ARID1A: variants seen among roughly 807,000 people sequenced by gnomAD.
ARID1A encodes AT-rich interactive domain-containing protein 1A.
A neutral mutation model predicts 212.6 loss-of-function variants in ARID1A; 20 were observed. That is an observed-to-expected ratio of 0.09 (90% CI 0.07 to 0.14). ARID1A has a LOEUF of 0.14. ARID1A is among the 10% of genes least tolerant of loss of function. ARID1A has a pLI of 1.00. For synonymous variants in ARID1A, 1,376 were observed against 1,222.1 expected, an observed-to-expected ratio of 1.13 and a Z score of -2.63; for missense variants, 2,587 against 3,059.0, an observed-to-expected ratio of 0.85 and a Z score of 3.64.
At position 26,763,114 on chromosome 1, in the gene ARID1A, C is replaced by T. The variant is rs2124068989; in HGVS notation, c.2561C>T (p.Pro854Leu). ...QPGIPPYGTL[P>L]PGRMSHASMG... Reference sequence around the variant, plus strand: ...GGCATCCCACCTTATGGCACACTCCCTCCAGGGAGGATGAGTCACGCCTCC... The same window carrying T: ...GGCATCCCACCTTATGGCACACTCCTTCCAGGGAGGATGAGTCACGCCTCC... The change falls in exon 8 of 20, where the codon CCT becomes CTT. Residue 854 changes from proline (P) to leucine (L), a missense_variant. Physicochemically the swap from Pro to Leu is moderately conservative, Grantham distance 98. Transcript: ENST00000324856. The T allele has an allele frequency of 6.2e-7, 1 of 1,614,290 alleles. No individual in the cohort carries two copies. The highest frequency in any genetic ancestry group is 8.5e-7 in the Non-Finnish European group (1 of 1,180,052).
chr1:26,763,791 TA>T, intron 8 of ARID1A, among the ~76,000 whole-genome samples: 1 of 152,114 alleles, frequency 6.6e-6, no homozygotes, highest in African/African-American at 2.4e-5. Context: ...TGGGGTGTTT[TA>T]TTTTGGGGTC....
chr1:26,711,448 C>T (rs1244542791), intron 1 of ARID1A, among the ~76,000 whole-genome samples: 1 of 152,096 alleles, frequency 6.6e-6, no homozygotes, highest in African/African-American at 2.4e-5. Flanking sequence ...GCACTAAGCC[C>T]ATCATGGGGG....
At chr1:26,725,215 C>T (rs1044581739) in intron 1 of ARID1A, among the ~76,000 whole-genome samples, 4 of 152,144 alleles carry the variant, frequency 2.6e-5, no homozygotes, top group Admixed American at 2.6e-4. Context: ...GAGTTTCCAT[C>T]CCCTGCCTTG....
chr1:26,736,034 T>TA (rs766743286), intron 4 of ARID1A, among the ~76,000 whole-genome samples: 97 of 151,796 alleles, frequency 6.4e-4, no homozygotes, highest in Non-Finnish European at 1.2e-3. Context: ...ATTTTACCTT[T>TA]AAAAAAAAGG....
rs1428726850 is a variant in ARID1A, at chr1:26,771,345, G to A, written c.3406+19G>A. ...TCTCCTGGTAAGGATGGGGTCAGCGGCCCCACCAAGGCTGAGAGGGCCTGT... is the reference window on the plus strand; with the variant it reads ...TCTCCTGGTAAGGATGGGGTCAGCGACCCCACCAAGGCTGAGAGGGCCTGT... On this transcript the variant is annotated intron_variant, in intron 12 of 19. Coordinates refer to ENST00000324856, the MANE Select transcript of ARID1A (RefSeq NM_006015.6). This position sits in a 1 kb window ranked among gnomAD's most constrained non-coding sequence, Gnocchi z 5.4. 6.2e-7 allele frequency: 1 copy of A among 1,611,304 alleles called. No homozygotes were observed. The highest frequency in any genetic ancestry group is 1.3e-5 in the African/African-American group (1 of 74,940).
intron 4 of ARID1A, among the ~76,000 whole-genome samples, chr1:26,745,744 C>G (rs1157595946): frequency 6.6e-6 from 1 of 152,106 alleles, no homozygotes; most frequent in Non-Finnish European, 1.5e-5. Context: ...TGTACAAGAC[C>G]AGCAAAAAGA....
chr1:26,743,491 G>T (rs1313206026), intron 4 of ARID1A, among the ~76,000 whole-genome samples: 3 of 152,024 alleles, frequency 2.0e-5, no homozygotes. Context: ...ACGTTTTGTT[G>T]TTTAGGTTTA....
Position 26,696,322 on chromosome 1 carries a change from G to T in ARID1A, c.-82G>T. ...GGCGGGTGGGGAGGGCAGCCCGGGGGACTGGGCCCCGGGGCGGGGTGGGAG... is the reference window on the plus strand; with the variant it reads ...GGCGGGTGGGGAGGGCAGCCCGGGGTACTGGGCCCCGGGGCGGGGTGGGAG... On this transcript the variant is annotated 5_prime_UTR_variant, in exon 1 of 20. Transcript: ENST00000324856. The T allele has an allele frequency of 2.5e-6, 3 of 1,181,090 alleles. No individual in the cohort carries two copies. The highest frequency in any genetic ancestry group is 3.1e-6 in the Non-Finnish European group (3 of 957,614). The allele number at this position is 1,181,090 out of a possible 1,614,324, so 73.2% of individuals were successfully genotyped here. A position where few individuals can be genotyped will look rare whatever the true frequency, so the allele number is the denominator to read the frequency against.
At chr1:26,767,231 G>A (rs2081047383) in intron 10 of ARID1A, among the ~76,000 whole-genome samples, 2 of 152,296 alleles carry the variant, frequency 1.3e-5, no homozygotes, top group South Asian at 4.1e-4. Flanking sequence ...TTCCTGTCTT[G>A]TACAGGATAA....
chr1:26,756,594 A>C (rs555418965), intron 4 of ARID1A, among the ~76,000 whole-genome samples: 1 of 150,596 alleles, frequency 6.6e-6, no homozygotes. Flanking sequence ...AAACACACAC[A>C]AAAAAAAACC....
In ARID1A at chr1:26,767,960, C is replaced by A. The variant is rs187798522; in HGVS notation, c.3159C>A (p.Arg1053=). The A allele has an allele frequency of 6.2e-7, 1 of 1,613,990 alleles. No individual in the cohort carries two copies. Among genetic ancestry groups the A allele is most frequent in the Non-Finnish European group, 8.5e-7 (1 of 1,179,924 alleles). The stretch of plus-strand genomic sequence containing the variant: ...GTAGGAAACCTCTGGACCTCTATCG[C>A]CTCTATGTGTCTGTGAAGGAGATTG... The part of the protein sequence containing the change: ...AVGRKPLDLY[R]LYVSVKEIGG... Residue 1053 remains arginine, a synonymous_variant, in exon 11 of 20, where the codon CGC becomes CGA. Transcript: ENST00000324856.
intron 1 of ARID1A, among the ~76,000 whole-genome samples, chr1:26,711,114 C>T (rs943012065): frequency 2.1e-5 from 3 of 144,464 alleles, no homozygotes; most frequent in Admixed American, 1.4e-4. Context: ...GTCTCTTGCT[C>T]TTTTTTTTTT....
At chr1:26,748,553 A>T (rs190654990) in intron 4 of ARID1A, among the ~76,000 whole-genome samples, 1 of 151,122 alleles carries the variant, frequency 6.6e-6, no homozygotes, top group Non-Finnish European at 1.5e-5. Flanking sequence ...GCCCTATTCC[A>T]TAAATATGCA....
chr1:26,714,068 AAG>A (rs2080478686), intron 1 of ARID1A, among the ~76,000 whole-genome samples: 1 of 152,206 alleles, frequency 6.6e-6, no homozygotes, highest in Non-Finnish European at 1.5e-5. Context: ...GTTAGGGAAA[AAG>A]AGAGTTAAAT....
chr1:26,709,601 T>TA (rs1456109093), intron 1 of ARID1A, among the ~76,000 whole-genome samples: 2 of 151,396 alleles, frequency 1.3e-5, no homozygotes, highest in African/African-American at 4.9e-5. Context: ...CCCTAGTTTT[T>TA]AGCTACATCT....
At position 26,782,001 on chromosome 1, in the gene ARID1A, CCTTT is replaced by C; in HGVS notation, c.*1246_*1249del. On this transcript the variant is annotated 3_prime_UTR_variant, in exon 20 of 20. Transcript: ENST00000324856. ...TAGCTAAAACTTGATGTAAATTCCT[CCTTT>C]TTTTCCTTTTTTGGCTTAATGAATA... 1 of 233,136 alleles carries C rather than the reference CCTTT, an allele frequency of 4.3e-6. No individual in the cohort carries two copies. Among genetic ancestry groups the C allele is most frequent in the Non-Finnish European group, 8.5e-6 (1 of 117,782 alleles). 14.4% of individuals were successfully genotyped at this position (233,136 alleles called of 1,614,324 possible).
chr1:26,718,415 A>G (rs191039021), intron 1 of ARID1A, among the ~76,000 whole-genome samples: 1 of 152,160 alleles, frequency 6.6e-6, no homozygotes, highest in Non-Finnish European at 1.5e-5. Context: ...GGCCATGTAC[A>G]ATAGTCCTCC....
rs761157350 is a variant in ARID1A, at chr1:26,696,959, A to AGCG, written c.567_569dup (p.Gly191dup). On this transcript the variant is annotated inframe_insertion, in exon 1 of 20. Coordinates refer to ENST00000324856, the MANE Select transcript of ARID1A (RefSeq NM_006015.6). ...AAGCCCTGGCCTGGCAGCGCTGCAGAGCGGCGGCGGCGGGGGCCTGGAGCC... is the reference window on the plus strand; with the variant it reads ...AAGCCCTGGCCTGGCAGCGCTGCAGAGCGGCGGCGGCGGCGGGGGCCTGGAGCC... 1.8e-5 allele frequency: 27 copies of AGCG among 1,464,208 alleles called. No individual in the cohort carries two copies. Among genetic ancestry groups the AGCG allele is most frequent in the South Asian group, 1.3e-4 (9 of 71,232 alleles). The allele number at this position is 1,464,208 out of a possible 1,614,324, so 90.7% of individuals were successfully genotyped here. A position where few individuals can be genotyped will look rare whatever the true frequency, so the allele number is the denominator to read the frequency against.
chr1:26,699,530 T>A (rs1331869328), intron 1 of ARID1A, among the ~76,000 whole-genome samples: 1 of 152,228 alleles, frequency 6.6e-6, no homozygotes, highest in Admixed American at 6.5e-5. Flanking sequence ...TGTTAGATGG[T>A]GGGCTTGGAG....
Sources: allele counts gnomAD v4.1 joint callset (sites outside exome capture counted in the v4.1 genomes callset), GRCh38; gene constraint gnomAD v4.1.1; non-coding constraint Gnocchi (gnomAD v3.1); transcripts MANE v1.5; gene names NCBI Gene and HGNC (gene_info 2026-07-23, HGNC 2026-07-21).